Variants in HDAC4 observed in about 807,000 individuals in gnomAD.
HDAC4 encodes the protein histone deacetylase A.
A neutral mutation model predicts 135.1 loss-of-function variants in HDAC4; 16 were observed. That is an observed-to-expected ratio of 0.12 (90% CI 0.08 to 0.18). The LOEUF (loss-of-function observed/expected upper bound fraction) is 0.18, where lower values mean the gene tolerates loss of function less well. Ranked by LOEUF, HDAC4 falls within the 10% of genes least tolerant of loss-of-function variation. HDAC4 has a pLI of 1.00. For missense variants in HDAC4, 1,143 were observed against 1,511.8 expected, an observed-to-expected ratio of 0.76 and a Z score of 4.05; for synonymous variants, 685 against 653.4, an observed-to-expected ratio of 1.05 and a Z score of -0.74.
intron 22 of HDAC4, among the ~76,000 whole-genome samples, chr2:239,080,309 A>G (rs2035184673): frequency 6.6e-6 from 1 of 152,236 alleles, no homozygotes; most frequent in Admixed American, 6.5e-5. Flanking sequence ...GGGCTTTGAC[A>G]CCATACTGAC....
intron 3 of HDAC4, among the ~76,000 whole-genome samples, chr2:239,198,926 C>T (rs888604990): frequency 3.3e-5 from 5 of 152,162 alleles, no homozygotes; most frequent in Non-Finnish European, 2.9e-5. Context: ...CGAAGACTTC[C>T]AAATCAAATG....
chr2:239,340,730 C>T (rs577261619), intron 2 of HDAC4, among the ~76,000 whole-genome samples: 2 of 152,284 alleles, frequency 1.3e-5, no homozygotes, highest in South Asian at 4.2e-4. Flanking sequence ...CAGGGCTCCC[C>T]GTGCTGAGGG....
At chr2:239,094,094 G>A (rs1265113660) in intron 17 of HDAC4, 8 of 985,298 alleles carry the variant, frequency 8.1e-6, no homozygotes, top group East Asian at 1.1e-4. Context: ...ACACTGCACC[G>A]TTTCGGCTGC....
At chr2:239,142,915 C>A (rs1171177356) in intron 8 of HDAC4, among the ~76,000 whole-genome samples, 41 of 149,570 alleles carry the variant, frequency 2.7e-4, no homozygotes, top group African/African-American at 9.9e-4. Flanking sequence ...CGTGCCCTGT[C>A]ACACATGACT....
In HDAC4 at chr2:239,102,870, C is replaced by A. The variant is rs774799574; in HGVS notation, c.2139G>T (p.Leu713=). 1.2e-6 allele frequency: 2 copies of A among 1,613,986 alleles called. No homozygotes were observed. Among genetic ancestry groups the A allele is most frequent in the Non-Finnish European group, 1.7e-6 (2 of 1,180,020 alleles). ...CCGAGTGCACCGTCTGTAGCTCCTC[C>A]AGGGTGGCCTTGCGTCCGCGGATGC... The part of the protein sequence containing the change: ...CECIRGRKAT[L]EELQTVHSEA... The change falls in exon 16 of 27, where the codon CTG becomes CTT. Residue 713 remains leucine, a synonymous_variant. Coordinates refer to ENST00000543185, the MANE Select transcript of HDAC4 (RefSeq NM_001378414.1).
rs930851613 is a variant in HDAC4, at chr2:239,285,309, G to A, written c.23-48645C>T. 5.3e-5 allele frequency among the ~76,000 whole-genome samples: 8 copies of A among 152,238 alleles called. No homozygotes were observed. The highest frequency in any genetic ancestry group is 2.6e-4 in the Admixed American group (4 of 15,292). ...CCCTGCTGGGAGTGGAGAACGCGCC[G>A]CGGCTGGGCCCCCAAGTTCGCGGCT... On this transcript the variant is annotated intron_variant, in intron 2 of 26. Coordinates refer to ENST00000543185, the MANE Select transcript of HDAC4 (RefSeq NM_001378414.1). This position sits in a 1 kb window ranked among gnomAD's most constrained non-coding sequence, Gnocchi z 4.5.
At position 239,379,621 on chromosome 2, in the gene HDAC4, C is replaced by A. The variant is rs936944547; in HGVS notation, c.-220+21357G>T. On this transcript the variant is annotated intron_variant, in intron 1 of 26. Transcript: ENST00000543185. The stretch of plus-strand genomic sequence containing the variant: ...GGCAGGGCCTCCCTAGCGCTCCCCA[C>A]AGCCCCCACCTTGGTGGCCCAGTCA... Among the ~76,000 whole-genome samples the A allele has an allele frequency of 2.6e-5, 4 of 152,188 alleles. No homozygotes were observed. In the South Asian group the frequency reaches 8.3e-4, roughly 31 times the overall value.
At position 239,303,292 on chromosome 2, in the gene HDAC4, C is replaced by T. The variant is rs566557578; in HGVS notation, c.22+49386G>A. ...CAGCTTGACAATGTGAAATAAGTTTCGCTTCCTTTTTATCTACGCTCCCGG... is the reference window on the plus strand; with the variant it reads ...CAGCTTGACAATGTGAAATAAGTTTTGCTTCCTTTTTATCTACGCTCCCGG... On this transcript the variant is annotated intron_variant, in intron 2 of 26. Coordinates refer to ENST00000543185, the MANE Select transcript of HDAC4 (RefSeq NM_001378414.1). This position sits in a 1 kb window ranked among gnomAD's most constrained non-coding sequence, Gnocchi z 5.1. Among the ~76,000 whole-genome samples, 25 of 152,350 alleles carry T rather than the reference C, an allele frequency of 1.6e-4. No individual in the cohort carries two copies. The highest frequency in any genetic ancestry group is 5.1e-4 in the African/African-American group (21 of 41,576).
intron 7 of HDAC4, among the ~76,000 whole-genome samples, chr2:239,148,986 T>C (rs1017767704): frequency 1.4e-4 from 21 of 152,228 alleles, no homozygotes; most frequent in African/African-American, 4.6e-4. Context: ...CTGGTTCTGC[T>C]GTGAACGTGA....
intron 2 of HDAC4, among the ~76,000 whole-genome samples, chr2:239,295,120 T>C (rs1013469009): frequency 6.6e-6 from 1 of 151,410 alleles, no homozygotes; most frequent in Non-Finnish European, 1.5e-5. Flanking sequence ...ATCCCGGCTA[T>C]AACGGTGAAA....
intron 2 of HDAC4, among the ~76,000 whole-genome samples, chr2:239,258,324 G>C (rs142141803): frequency 8.9e-4 from 135 of 151,102 alleles, no homozygotes; most frequent in African/African-American, 3.2e-3. Context: ...CGGGTCAAAA[G>C]CACGTCTGAA....
intron 1 of HDAC4, among the ~76,000 whole-genome samples, chr2:239,375,035 C>T (rs1694909614): frequency 1.3e-5 from 2 of 152,190 alleles, no homozygotes; most frequent in Admixed American, 1.3e-4. Flanking sequence ...GCTAGACAGA[C>T]TCAGGAGTTG....
chr2:239,118,770 T>C (rs571710383), intron 12 of HDAC4, among the ~76,000 whole-genome samples: 25 of 152,292 alleles, frequency 1.6e-4, no homozygotes, highest in African/African-American at 4.6e-4. Flanking sequence ...CAAGTTCAAC[T>C]AAGGAATCTA....
At chr2:239,062,648 C>A (rs577243443) in intron 24 of HDAC4, among the ~76,000 whole-genome samples, 1 of 152,296 alleles carries the variant, frequency 6.6e-6, no homozygotes, top group Admixed American at 6.5e-5. Flanking sequence ...AGAATATATA[C>A]GTCAGTTGCC....
intron 2 of HDAC4, among the ~76,000 whole-genome samples, chr2:239,315,474 T>C (rs1463916979): frequency 6.6e-6 from 1 of 152,110 alleles, no homozygotes; most frequent in Non-Finnish European, 1.5e-5. Flanking sequence ...TAGAGAAACA[T>C]TCAAAATGAA....
chr2:239,083,890 C>T lies in HDAC4; in HGVS notation c.2532+265G>A, dbSNP rs867902543. Among the ~76,000 whole-genome samples the T allele has an allele frequency of 5.9e-5, 9 of 152,364 alleles. 1 individual carries two copies. The South Asian group carries it at 6.2e-4, about 11-fold the overall frequency. The stretch of plus-strand genomic sequence containing the variant: ...CAACACCTGTCTTCCAAGAAGATCT[C>T]GTCGAGGGTGGCCCTGGCCGCTGCC... On this transcript the variant is annotated intron_variant, in intron 20 of 26. Coordinates refer to ENST00000543185, the MANE Select transcript of HDAC4 (RefSeq NM_001378414.1).
intron 6 of HDAC4, among the ~76,000 whole-genome samples, chr2:239,157,869 G>A (rs971409251): frequency 6.6e-6 from 1 of 152,152 alleles, no homozygotes; most frequent in Non-Finnish European, 1.5e-5. Context: ...TTGAGGAGCC[G>A]AGCCCAGGCA....
intron 5 of HDAC4, among the ~76,000 whole-genome samples, chr2:239,168,519 A>G (rs1291767213): frequency 6.6e-6 from 1 of 152,266 alleles, no homozygotes. Context: ...GTAAATGTTT[A>G]TAAGTGTAAT....
intron 2 of HDAC4, among the ~76,000 whole-genome samples, chr2:239,319,439 G>T (rs1324584404): frequency 6.6e-6 from 1 of 152,244 alleles, no homozygotes; most frequent in Admixed American, 6.5e-5. Flanking sequence ...TCAGGCACAG[G>T]CCAGGCGAGG....
Sources: allele counts gnomAD v4.1 joint callset (sites outside exome capture counted in the v4.1 genomes callset), GRCh38; gene constraint gnomAD v4.1.1; non-coding constraint Gnocchi (gnomAD v3.1); transcripts MANE v1.5; gene names NCBI Gene and HGNC (gene_info 2026-07-23, HGNC 2026-07-21).